The following CADM2 variants were observed in gnomAD, a reference collection of about 807,000 sequenced individuals.
The protein encoded by CADM2 is cell adhesion molecule 2, also known as immunoglobulin superfamily member 4D.
Under a neutral mutation model 49.8 loss-of-function variants are expected in CADM2, and 12 were observed. That is an observed-to-expected ratio of 0.24 (90% CI 0.15 to 0.39). CADM2 has a LOEUF of 0.39. Among genes scored for constraint, CADM2 ranks in the 10% least tolerant of loss-of-function variants. The pLI is 1.00. For missense variants in CADM2, 378 were observed against 492.3 expected, an observed-to-expected ratio of 0.77 and a Z score of 2.20; for synonymous variants, 214 against 175.4, an observed-to-expected ratio of 1.22 and a Z score of -1.74.
chr3:85,113,671 T>G (rs550220248), intron 1 of CADM2, among the ~76,000 whole-genome samples: 1 of 150,478 alleles, frequency 6.6e-6, no homozygotes, highest in Non-Finnish European at 1.5e-5. Context: ...ATTTATTGCT[T>G]TTTTTTATTC....
chr3:85,523,006 AAAAG>A (rs1218342943), intron 1 of CADM2, among the ~76,000 whole-genome samples: 1 of 151,934 alleles, frequency 6.6e-6, no homozygotes, highest in Non-Finnish European at 1.5e-5. Context: ...AAAAAAAAAA[AAAAG>A]AAAACTTGAG....
At chr3:85,532,596 G>A (rs1043959865) in intron 1 of CADM2, among the ~76,000 whole-genome samples, 1 of 152,090 alleles carries the variant, frequency 6.6e-6, no homozygotes, top group Non-Finnish European at 1.5e-5. Flanking sequence ...GTGGCAAATG[G>A]CAGGAGAAAT....
intron 1 of CADM2, among the ~76,000 whole-genome samples, chr3:85,401,856 C>A (rs1432490888): frequency 1.3e-5 from 2 of 152,052 alleles, no homozygotes; most frequent in Non-Finnish European, 2.9e-5. Context: ...TTCACACCTG[C>A]CAAACACAGA....
intron 1 of CADM2, among the ~76,000 whole-genome samples, chr3:84,966,641 T>G (rs1216519903): frequency 1.3e-5 from 2 of 152,158 alleles, no homozygotes; most frequent in African/African-American, 4.8e-5. Context: ...ACTACTTGAA[T>G]AGATACAGAG....
chr3:86,045,561 C>T (rs772844528), intron 8 of CADM2, among the ~76,000 whole-genome samples: 9 of 152,034 alleles, frequency 5.9e-5, no homozygotes, highest in East Asian at 3.9e-4. Context: ...TCCTTTAAAC[C>T]GCCCTTCTCC....
chr3:85,726,376 A>G, intron 1 of CADM2, 146 bp from the exon 2 acceptor site: 2 of 842,464 alleles, frequency 2.4e-6, no homozygotes, highest in Non-Finnish European at 3.9e-6. Flanking sequence ...AACAATAGTC[A>G]TTTTGTTTCT....
intron 8 of CADM2, among the ~76,000 whole-genome samples, chr3:85,971,244 T>C (rs891331731): frequency 2.0e-5 from 3 of 151,634 alleles, no homozygotes; most frequent in African/African-American, 7.3e-5. Context: ...CCTGACGTCA[T>C]GTGCAAACGT....
chr3:85,395,658 G>T (rs1338403808), intron 1 of CADM2, among the ~76,000 whole-genome samples: 1 of 152,012 alleles, frequency 6.6e-6, no homozygotes, highest in Non-Finnish European at 1.5e-5. Context: ...GTCTGCTTAT[G>T]AGATCAGCAT....
chr3:85,163,399 T>C (rs2040382976), intron 1 of CADM2, among the ~76,000 whole-genome samples: 1 of 152,034 alleles, frequency 6.6e-6, no homozygotes, highest in South Asian at 2.1e-4. Flanking sequence ...TGAACTGGGA[T>C]ACTGAAGCAG....
intron 1 of CADM2, among the ~76,000 whole-genome samples, chr3:85,501,712 T>C (rs58834564): frequency 0.3 from 45,198 of 152,042 alleles, 7,974 homozygotes; most frequent in East Asian, 0.55. Context: ...CATGTATATA[T>C]ACGCACATAT....
chr3:85,070,391 T>C (rs1575805909), intron 1 of CADM2, among the ~76,000 whole-genome samples: 1 of 152,186 alleles, frequency 6.6e-6, no homozygotes, highest in Non-Finnish European at 1.5e-5. Context: ...ATTATTCTTA[T>C]AGAAAGACTA....
At chr3:84,995,999 C>G (rs755937617) in intron 1 of CADM2, among the ~76,000 whole-genome samples, 2 of 152,130 alleles carry the variant, frequency 1.3e-5, no homozygotes, top group Non-Finnish European at 1.5e-5. Flanking sequence ...GAGACTATAA[C>G]TTATTTTCTC....
chr3:85,202,810 A>T (rs1404355679), intron 1 of CADM2, among the ~76,000 whole-genome samples: 1 of 152,158 alleles, frequency 6.6e-6, no homozygotes, highest in Non-Finnish European at 1.5e-5. Context: ...CTACATGGAA[A>T]ATCTGTTTTT....
chr3:85,981,222 TAC>T (rs796365506), intron 8 of CADM2, among the ~76,000 whole-genome samples: 21 of 151,332 alleles, frequency 1.4e-4, no homozygotes, highest in African/African-American at 4.8e-4. Context: ...ATTTCAAACC[TAC>T]ACACACACAT....
chr3:85,593,400 A>AT (rs1464204941), intron 1 of CADM2, among the ~76,000 whole-genome samples: 4 of 151,930 alleles, frequency 2.6e-5, no homozygotes, highest in African/African-American at 9.7e-5. Flanking sequence ...TAGAGCCTCA[A>AT]TTTTTTCATC....
At chr3:85,051,926 A>G (rs544722025) in intron 1 of CADM2, among the ~76,000 whole-genome samples, 1 of 152,214 alleles carries the variant, frequency 6.6e-6, no homozygotes, top group African/African-American at 2.4e-5. Flanking sequence ...TTTAAATTAC[A>G]CTATTTGCAT....
At chr3:85,034,324 T>G (rs1345993959) in intron 1 of CADM2, among the ~76,000 whole-genome samples, 2 of 152,114 alleles carry the variant, frequency 1.3e-5, no homozygotes, top group East Asian at 3.9e-4. Context: ...GTTGTTTTCA[T>G]TTTTAGCTCC....
intron 1 of CADM2, among the ~76,000 whole-genome samples, chr3:85,401,808 G>A (rs776599941): frequency 1.3e-5 from 2 of 152,042 alleles, no homozygotes; most frequent in Admixed American, 1.3e-4. Context: ...CTGGGATTTG[G>A]GGCTTAGTGT....
At chr3:86,049,295 G>A (rs1266171060) in intron 8 of CADM2, among the ~76,000 whole-genome samples, 1 of 145,528 alleles carries the variant, frequency 6.9e-6, no homozygotes, top group Non-Finnish European at 1.5e-5. Flanking sequence ...TTTTTTTTGA[G>A]ACAGAGTCTC....
Sources: allele counts gnomAD v4.1 joint callset (sites outside exome capture counted in the v4.1 genomes callset), GRCh38; gene constraint gnomAD v4.1.1; transcripts MANE v1.5; gene names NCBI Gene and HGNC (gene_info 2026-07-23, HGNC 2026-07-21).